VASH2: variants seen among roughly 807,000 people sequenced by gnomAD.
VASH2 encodes tubulinyl-Tyr carboxypeptidase 2.
A neutral mutation model predicts 37.2 loss-of-function variants in VASH2; 28 were observed. That is an observed-to-expected ratio of 0.75 (90% CI 0.56 to 1.03). VASH2 has a LOEUF of 1.03. Among genes scored for constraint, VASH2 ranks in the 50% least tolerant of loss-of-function variants. The pLI is 0.00. For missense variants in VASH2, 419 were observed against 459.1 expected, an observed-to-expected ratio of 0.91 and a Z score of 0.80; for synonymous variants, 188 against 174.7, an observed-to-expected ratio of 1.08 and a Z score of -0.60.
intron 2 of VASH2, among the ~76,000 whole-genome samples, chr1:212,956,582 C>T (rs1197439339): frequency 4.6e-5 from 7 of 152,034 alleles, no homozygotes; most frequent in Non-Finnish European, 7.4e-5. Flanking sequence ...ACCCCAGTCA[C>T]GAACAGAAAA....
In VASH2 at chr1:212,954,574, C is replaced by A. The variant is rs143734075; in HGVS notation, c.276+2756C>A. Among the ~76,000 whole-genome samples, 220 of 152,228 alleles carry A rather than the reference C, an allele frequency of 1.4e-3. 2 individuals are homozygous for A. The highest frequency in any genetic ancestry group is 2.6e-3 in the Admixed American group (39 of 15,290). ...TAGCTGGGATTACAGGCACATGTCA[C>A]CATGCCCAGCTATTTTTTGTATTTT... is the stretch of plus-strand genomic sequence containing the variant. On this transcript the variant is annotated intron_variant, in intron 2 of 7. Transcript: ENST00000517399.
chr1:212,961,016 C>T (rs866735592), intron 2 of VASH2, 150 bp from the exon 3 acceptor site: 12 of 694,978 alleles, frequency 1.7e-5, no homozygotes, highest in Non-Finnish European at 2.7e-5. Context: ...AGGCACTGCT[C>T]AATCAGGTAA....
rs2075824206 is a variant in VASH2, at chr1:212,988,716, G to C, written c.*132G>C. ...ATTTTTAAGGATTCACCTGGAAATA[G>C]AATCTGAGTGGGTGGTAACCATTAG... On this transcript the variant is annotated 3_prime_UTR_variant, in exon 8 of 8. Transcript: ENST00000517399. The C allele has an allele frequency of 3.1e-6, 3 of 969,316 alleles. No individual in the cohort carries two copies. Among genetic ancestry groups the C allele is most frequent in the Non-Finnish European group, 4.7e-6 (3 of 631,972 alleles). 60.0% of individuals were successfully genotyped at this position (969,316 alleles called of 1,614,324 possible). A position where few individuals can be genotyped will look rare whatever the true frequency, so the allele number is the denominator to read the frequency against.
chr1:212,982,639 G>A (rs1667370670), intron 7 of VASH2, among the ~76,000 whole-genome samples: 1 of 150,938 alleles, frequency 6.6e-6, no homozygotes, highest in Non-Finnish European at 1.5e-5. Flanking sequence ...CCACAGGCAG[G>A]TGGCATGCTG....
At chr1:212,988,380 AG>A in intron 7 of VASH2, 131 bp from the exon 8 acceptor site, 1 of 849,240 alleles carries the variant, frequency 1.2e-6, no homozygotes, top group South Asian at 1.5e-5. Flanking sequence ...TAAGGCTGGC[AG>A]GGTGGGGGAA....
At chr1:212,953,819 C>T (rs1666400638) in intron 2 of VASH2, among the ~76,000 whole-genome samples, 1 of 152,184 alleles carries the variant, frequency 6.6e-6, no homozygotes, top group African/African-American at 2.4e-5. Flanking sequence ...AGACTATGAG[C>T]CCTCAGGACT....
intron 3 of VASH2, among the ~76,000 whole-genome samples, chr1:212,965,386 A>T (rs1666809340): frequency 6.6e-6 from 1 of 152,208 alleles, no homozygotes; most frequent in South Asian, 2.1e-4. Flanking sequence ...TCTTAAAAAA[A>T]CTTGTTTTTT....
In VASH2 at chr1:212,971,836, T is replaced by C. The variant is rs933322117; in HGVS notation, c.498-744T>C. 6.6e-6 allele frequency among the ~76,000 whole-genome samples: 1 copy of C among 151,600 alleles called. No individual in the cohort carries two copies. The highest frequency in any genetic ancestry group is 1.5e-5 in the Non-Finnish European group (1 of 67,964). ...AGTGTAAGGCAGTGCACATCCACAA[T>C]CTAAGGTTCGTTCTTTCTGTAAGCA... On this transcript the variant is annotated intron_variant, in intron 5 of 7. Transcript: ENST00000517399. The surrounding 1 kb of genome is among the most constrained non-coding windows in gnomAD (Gnocchi z 4.0).
chr1:212,969,005 G>C, intron 5 of VASH2: 2 of 985,408 alleles, frequency 2.0e-6, no homozygotes, highest in South Asian at 9.4e-5. Context: ...TGGAATTGTG[G>C]GGATAGACCC....
At chr1:212,975,607 C>T (rs563383484) in intron 7 of VASH2, among the ~76,000 whole-genome samples, 2 of 152,366 alleles carry the variant, frequency 1.3e-5, no homozygotes, top group African/African-American at 4.8e-5. Flanking sequence ...CCATTAACTG[C>T]TGTCATCACA....
In VASH2 at chr1:212,989,896, T is replaced by G. The variant is rs2075840421; in HGVS notation, c.*1312T>G. Reference sequence around the variant, plus strand: ...ACAGCCTAGTCTTGTATGGTGTAAATATCAAGAGTACAGCTTCAATTTCAT... The same window carrying G: ...ACAGCCTAGTCTTGTATGGTGTAAAGATCAAGAGTACAGCTTCAATTTCAT... On this transcript the variant is annotated 3_prime_UTR_variant, in exon 8 of 8. Transcript: ENST00000517399. The G allele has an allele frequency of 1.3e-5, 2 of 152,156 alleles. No homozygotes were observed. The highest frequency in any genetic ancestry group is 6.5e-5 in the Admixed American group (1 of 15,278). 9.4% of individuals were successfully genotyped at this position (152,156 alleles called of 1,614,324 possible).
intron 5 of VASH2, among the ~76,000 whole-genome samples, chr1:212,970,447 C>G (rs1666976518): frequency 6.6e-6 from 1 of 152,208 alleles, no homozygotes; most frequent in Non-Finnish European, 1.5e-5. Context: ...TCTGTCCACC[C>G]AGAGGTTGCT....
At chr1:212,970,684 G>A (rs1257987434) in intron 5 of VASH2, among the ~76,000 whole-genome samples, 3 of 152,134 alleles carry the variant, frequency 2.0e-5, no homozygotes, top group East Asian at 1.9e-4. Context: ...GAGGTCAGGA[G>A]TTCGAGACCA....
intron 7 of VASH2, among the ~76,000 whole-genome samples, chr1:212,975,507 A>G (rs1054398419): frequency 6.6e-6 from 1 of 152,142 alleles, no homozygotes; most frequent in African/African-American, 2.4e-5. Flanking sequence ...CCTGACCCCA[A>G]TCCTCCCCGT....
chr1:212,987,280 TAAGAAC>T (rs1184072468), intron 7 of VASH2, among the ~76,000 whole-genome samples: 1 of 151,688 alleles, frequency 6.6e-6, no homozygotes, highest in African/African-American at 2.4e-5. Flanking sequence ...TTTTAATACT[TAAGAAC>T]AAGGTTCGGC....
At chr1:212,963,704 C>G (rs1451424111) in intron 3 of VASH2, among the ~76,000 whole-genome samples, 1 of 151,982 alleles carries the variant, frequency 6.6e-6, no homozygotes, top group African/African-American at 2.4e-5. Context: ...GACTTCTCCC[C>G]AGCCCACTTT....
chr1:212,971,309 C>G lies in VASH2; in HGVS notation c.498-1271C>G, dbSNP rs76310337. 0.021 allele frequency among the ~76,000 whole-genome samples: 3,236 copies of G among 152,268 alleles called. 177 individuals are homozygous for G. Among genetic ancestry groups the G allele is most frequent in the Admixed American group, 0.13 (2,032 of 15,298 alleles). ...TGCTTTCAATTCTTTTGGGTATGCA[C>G]CCAGAAGTGGAATTGCCAGGTCCTA... is the stretch of plus-strand genomic sequence containing the variant. On this transcript the variant is annotated intron_variant, in intron 5 of 7. Transcript: ENST00000517399. This position sits in a 1 kb window ranked among gnomAD's most constrained non-coding sequence, Gnocchi z 4.0.
intron 6 of VASH2, 69 bp from the exon 7 acceptor site, chr1:212,973,886 G>C (rs1307842560): frequency 1.9e-6 from 3 of 1,554,096 alleles, no homozygotes; most frequent in Non-Finnish European, 2.6e-6. Flanking sequence ...GGAATGTGGT[G>C]CTAGAAGAAG....
chr1:212,986,580 C>T (rs1369743479), intron 7 of VASH2, among the ~76,000 whole-genome samples: 1 of 152,202 alleles, frequency 6.6e-6, no homozygotes, highest in Non-Finnish European at 1.5e-5. Flanking sequence ...TGTTCCTTTT[C>T]CTGTCAATCC....
Sources: gnomAD v4.1 joint callset for allele counts (sites outside exome capture counted in the v4.1 genomes callset) on GRCh38, gnomAD v4.1.1 for gene constraint, Gnocchi (gnomAD v3.1) non-coding constraint, MANE v1.5 for transcripts, NCBI Gene and HGNC (gene_info 2026-07-23, HGNC 2026-07-21) for gene names.